EPM2A: variants seen among roughly 807,000 people sequenced by gnomAD.
The protein encoded by EPM2A is laforin.
Under a neutral mutation model 26.5 loss-of-function variants are expected in EPM2A, and 21 were observed. The observed-to-expected ratio is 0.79, with a 90% CI of 0.56 to 1.14. EPM2A has a LOEUF of 1.14. EPM2A is among the 50% of genes most tolerant of loss of function. The probability of loss-of-function intolerance (pLI) is 0.00; values close to 1 mark genes in which losing one functional copy is unlikely to be tolerated. For missense variants in EPM2A, 458 were observed against 440.8 expected, an observed-to-expected ratio of 1.04 and a Z score of -0.35; for synonymous variants, 217 against 177.6, an observed-to-expected ratio of 1.22 and a Z score of -1.76.
intron 1 of EPM2A, among the ~76,000 whole-genome samples, chr6:145,703,428 C>T (rs1351241837): frequency 6.6e-6 from 1 of 151,876 alleles, no homozygotes; most frequent in Non-Finnish European, 1.5e-5. Flanking sequence ...TTTTTTTCTT[C>T]CTGAAAACAG....
At chr6:145,479,363 T>C (rs976717816) in intron 4 of EPM2A, among the ~76,000 whole-genome samples, 6 of 149,942 alleles carry the variant, frequency 4.0e-5, no homozygotes, top group African/African-American at 7.3e-5. Flanking sequence ...ATTCACAATG[T>C]TGTGCAACTA....
At chr6:145,582,461 T>C (rs1781128857) in intron 2 of EPM2A, among the ~76,000 whole-genome samples, 1 of 152,248 alleles carries the variant, frequency 6.6e-6, no homozygotes, top group East Asian at 1.9e-4. Context: ...GTCCATTTGG[T>C]CCAGTGTCTA....
chr6:145,732,201 TTGTGTGTG>T (rs66889564), intron 1 of EPM2A, among the ~76,000 whole-genome samples: 19 of 138,546 alleles, frequency 1.4e-4, no homozygotes, highest in South Asian at 2.4e-4. Context: ...CAGCTAAGAC[TTGTGTGTG>T]TGTGTGTGTG....
intron 2 of EPM2A, among the ~76,000 whole-genome samples, chr6:145,666,099 T>C (rs1376309374): frequency 1.4e-5 from 2 of 146,776 alleles, no homozygotes; most frequent in Non-Finnish European, 3.0e-5. Flanking sequence ...CTTTGAAAAC[T>C]GGCACAAGAC....
intron 1 of EPM2A, among the ~76,000 whole-genome samples, chr6:145,713,092 A>AT (rs937902479): frequency 6.6e-6 from 1 of 152,092 alleles, no homozygotes; most frequent in African/African-American, 2.4e-5. Flanking sequence ...TTTTCCACAA[A>AT]TTTTTTAAGC....
chr6:145,700,418 T>A (rs542682647), intron 1 of EPM2A, among the ~76,000 whole-genome samples: 2 of 152,184 alleles, frequency 1.3e-5, no homozygotes, highest in South Asian at 4.1e-4. Context: ...ATTTCCCTAT[T>A]CATAGCCTGA....
chr6:145,506,518 T>C (rs950919308), intron 2 of EPM2A, among the ~76,000 whole-genome samples: 6 of 151,876 alleles, frequency 4.0e-5, no homozygotes, highest in Non-Finnish European at 7.4e-5. Context: ...CAAGATAGAA[T>C]GGTGTACAGT....
downstream of EPM2A, among the ~76,000 whole-genome samples, chr6:145,624,859 AAG>A (rs1405968929): frequency 6.6e-6 from 1 of 152,214 alleles, no homozygotes; most frequent in African/African-American, 2.4e-5. Flanking sequence ...TGATGGTCAA[AAG>A]AGAGTGTTTT....
chr6:145,501,861 G>A (rs959357533), intron 3 of EPM2A: 33 of 470,992 alleles, frequency 7.0e-5, no homozygotes, highest in Non-Finnish European at 1.3e-4. Context: ...AAAGAAGACA[G>A]GGATAGATAC....
chr6:145,520,706 T>C (rs1013901962), intron 2 of EPM2A, among the ~76,000 whole-genome samples: 4 of 152,086 alleles, frequency 2.6e-5, no homozygotes, highest in South Asian at 2.1e-4. Context: ...CAATAAGCTA[T>C]GAACACAATA....
intron 4 of EPM2A, among the ~76,000 whole-genome samples, chr6:145,393,046 T>C (rs1778358414): frequency 3.3e-5 from 5 of 152,132 alleles, no homozygotes; most frequent in Admixed American, 2.6e-4. Context: ...ATGATGATAA[T>C]GCCAAGCTTT....
chr6:145,586,671 G>C (rs1353816360), intron 2 of EPM2A, among the ~76,000 whole-genome samples: 2 of 152,096 alleles, frequency 1.3e-5, no homozygotes, highest in Non-Finnish European at 2.9e-5. Flanking sequence ...CCTTCATTTA[G>C]ATCTTTATGG....
intron 2 of EPM2A, among the ~76,000 whole-genome samples, chr6:145,664,703 A>C (rs1779022523): frequency 6.6e-6 from 1 of 152,196 alleles, no homozygotes; most frequent in African/African-American, 2.4e-5. Context: ...AAATCGACAG[A>C]ATATACATTT....
At chr6:145,556,676 T>G (rs943462582) in intron 2 of EPM2A, among the ~76,000 whole-genome samples, 4 of 152,124 alleles carry the variant, frequency 2.6e-5, no homozygotes, top group African/African-American at 9.6e-5. Flanking sequence ...CACCTTAAAG[T>G]GCTCAGCTCA....
chr6:145,697,054 T>G (rs1475089281), intron 1 of EPM2A, among the ~76,000 whole-genome samples: 3 of 152,232 alleles, frequency 2.0e-5, no homozygotes, highest in African/African-American at 7.2e-5. Context: ...CATAATAGGT[T>G]GGCCTCATTT....
At chr6:145,644,239 T>C (rs1246628660) in intron 2 of EPM2A, among the ~76,000 whole-genome samples, 2 of 152,194 alleles carry the variant, frequency 1.3e-5, no homozygotes, top group Non-Finnish European at 2.9e-5. Context: ...AGGCTCATTA[T>C]TGTAAAAAAT....
At chr6:145,666,815 G>C (rs1323567008) in intron 2 of EPM2A, among the ~76,000 whole-genome samples, 1 of 151,010 alleles carries the variant, frequency 6.6e-6, no homozygotes, top group African/African-American at 2.5e-5. Context: ...CCAAAACAGA[G>C]TTATAGATCA....
chr6:145,404,769 T>C (rs570528351), intron 4 of EPM2A, among the ~76,000 whole-genome samples: 1 of 152,250 alleles, frequency 6.6e-6, no homozygotes, highest in South Asian at 2.1e-4. Context: ...ACAATTTGCT[T>C]TGGGATTTTG....
intron 2 of EPM2A, among the ~76,000 whole-genome samples, chr6:145,569,130 T>G (rs988628187): frequency 6.6e-6 from 1 of 152,242 alleles, no homozygotes; most frequent in Admixed American, 6.5e-5. Context: ...CACTATGGCA[T>G]GGACTCTGTC....
Sources: allele counts gnomAD v4.1 joint callset (sites outside exome capture counted in the v4.1 genomes callset), GRCh38; gene constraint gnomAD v4.1.1; transcripts MANE v1.5; gene names NCBI Gene and HGNC (gene_info 2026-07-23, HGNC 2026-07-21).